CAPN12: variants seen among roughly 807,000 people sequenced by gnomAD.
The protein encoded by CAPN12 is calpain-12.
A neutral mutation model predicts 95.0 loss-of-function variants in CAPN12; 107 were observed. The observed-to-expected ratio is 1.13, with a 90% CI of 0.96 to 1.32. CAPN12 has a LOEUF of 1.32. CAPN12 is among the 40% of genes most tolerant of loss of function. CAPN12 has a pLI of 0.00. For synonymous variants in CAPN12, 505 were observed against 415.5 expected (o/e 1.22, Z -2.62); for missense variants, 1,136 against 997.8 (o/e 1.14, Z -1.87).
In CAPN12 at chr19:38,734,164, C is replaced by G; in HGVS notation, c.1856G>C (p.Trp619Ser). 6.2e-7 allele frequency: 1 copy of G among 1,613,056 alleles called. No homozygotes were observed. Among genetic ancestry groups the G allele is most frequent in the South Asian group, 1.1e-5 (1 of 91,084 alleles). The change falls in exon 17 of 21, where the codon TGG becomes TCG. Residue 619 changes from tryptophan (W) to serine (S), a missense_variant. Transcript: ENST00000328867. Reference protein sequence around the residue: ...SLALHHFQQLWGYLLEWQAIF... With the variant: ...SLALHHFQQLSGYLLEWQAIF... The stretch of plus-strand genomic sequence containing the variant: ...CACCTGCCACTCCAGGAGGTAGCCC[C>G]AGAGCTGCTGGAAGTGGTGTAAGGC...
At chr19:38,733,395 A>G (rs1193488331) in intron 18 of CAPN12, 3 of 376,574 alleles carry the variant, frequency 8.0e-6, no homozygotes, top group East Asian at 4.9e-5. Context: ...CCTGGGGGCC[A>G]GACCCTCTCA....
rs137937350 is a variant in CAPN12, at chr19:38,741,835, C to T, written c.502G>A (p.Val168Met). Residue 168 changes from valine to methionine, a missense_variant, in exon 4 of 21, where the codon GTG becomes ATG. Coordinates refer to ENST00000328867, the MANE Select transcript of CAPN12 (RefSeq NM_144691.4). ...AACTCATTCCGCTGTTCCGAGCGCACGAACATCAGCTTCCCCTCACGCACG... is the reference window on the plus strand; with the variant it reads ...AACTCATTCCGCTGTTCCGAGCGCATGAACATCAGCTTCCCCTCACGCACG... ...LPVREGKLMFVRSEQRNEFWA... is the reference protein window; with the variant it reads ...LPVREGKLMFMRSEQRNEFWA... 100 of 1,613,954 alleles carry T rather than the reference C, an allele frequency of 6.2e-5. No individual in the cohort carries two copies. The African/African-American group carries it at 8.5e-4, about 14-fold the overall frequency.
chr19:38,735,341 T>A (rs371158470), intron 14 of CAPN12, 29 bp downstream of exon 14: 1 of 1,527,358 alleles, frequency 6.5e-7, no homozygotes. Flanking sequence ...CGCAGCGGGA[T>A]ACCCCCTCAG....
chr19:38,733,103 C>CTT lies in CAPN12; in HGVS notation c.1957+598_1957+599dup, dbSNP rs1172061885. On this transcript the variant is annotated intron_variant, in intron 18 of 20. Transcript: ENST00000328867. ...GACTCCTCACCACCCTGTGTACTAG[C>CTT]TTTTTTTTTTTTTTTTTGAGAGGCA... The CTT allele has an allele frequency of 5.5e-3, 745 of 136,300 alleles. 6 individuals carry two copies. The highest frequency in any genetic ancestry group is 0.015 in the African/African-American group (540 of 37,084). 8.4% of individuals were successfully genotyped at this position (136,300 alleles called of 1,614,324 possible).
At position 38,737,210 on chromosome 19, in the gene CAPN12, C is replaced by T. The variant is rs1225580005; in HGVS notation, c.1308G>A (p.Arg436=). 2.3e-5 allele frequency: 35 copies of T among 1,550,514 alleles called. No homozygotes were observed. The highest frequency in any genetic ancestry group is 3.0e-5 in the Non-Finnish European group (35 of 1,148,090). The change falls in exon 10 of 21, where the codon CGG becomes CGA. Residue 436 remains arginine, a synonymous_variant. Coordinates refer to ENST00000328867, the MANE Select transcript of CAPN12 (RefSeq NM_144691.4). The part of the protein sequence containing the change: ...VLLSLIQRNR[R]RLRAKGLTYL... ...AAGTGAGGCCCTTGGCTCTCAGGCG[C>T]CGCCGGTTGCGCTGGATGAGGGACA...
At position 38,744,118 on chromosome 19, in the gene CAPN12, C is replaced by T. The variant is rs541175688; in HGVS notation, c.48G>A (p.Glu16=). The T allele has an allele frequency of 1.2e-6, 2 of 1,614,186 alleles. No individual in the cohort carries two copies. The highest frequency in any genetic ancestry group is 1.3e-5 in the African/African-American group (1 of 75,052). Residue 16 remains glutamate, a synonymous_variant, in exon 1 of 21, where the codon GAG becomes GAA. Coordinates refer to ENST00000328867, the MANE Select transcript of CAPN12 (RefSeq NM_144691.4). ...GCAGGCGCCCGGCTCCGACCCCAGC[C>T]TCCTCATCCACGAGCTGGATGGTGA... ...GRVTIQLVDE[E]AGVGAGRLQL...
chr19:38,737,192 G>A lies in CAPN12; in HGVS notation c.1326C>T (p.Gly442=), dbSNP rs1357426521. The A allele has an allele frequency of 6.5e-7, 1 of 1,549,094 alleles. No individual in the cohort carries two copies. Among genetic ancestry groups the A allele is most frequent in the Admixed American group, 2.0e-5 (1 of 51,040 alleles). ...QRNRRRLRAK[G]LTYLTVGFHV... is the part of the protein sequence containing the mutation. Reference sequence around the variant, plus strand: ...GGAAGCCAACGGTGAGGTAAGTGAGGCCCTTGGCTCTCAGGCGCCGCCGGT... The same window carrying A: ...GGAAGCCAACGGTGAGGTAAGTGAGACCCTTGGCTCTCAGGCGCCGCCGGT... Residue 442 remains glycine (G), a synonymous_variant, in exon 10 of 21, where the codon GGC becomes GGT. Transcript: ENST00000328867.
upstream of CAPN12, chr19:38,744,539 GTC>G (rs1970772260): frequency 6.1e-6 from 2 of 327,794 alleles, no homozygotes; most frequent in East Asian, 1.4e-4. Flanking sequence ...TTACCTCGGT[GTC>G]TCTATCTCTC....
At chr19:38,735,088 G>C in intron 14 of CAPN12, 1 of 606,704 alleles carries the variant, frequency 1.6e-6, no homozygotes, top group South Asian at 2.1e-5. Context: ...GGGCAGGGGG[G>C]TGGTCAGGGA....
Position 38,730,347 on chromosome 19 carries a change from G to A in CAPN12, c.*505C>T, listed in dbSNP as rs758967912. ...TGATGCTCCTCCGGGTCTGCGTCGG[G>A]CGTGGGTCTCTGGGGACCCTCCAGA... On this transcript the variant is annotated 3_prime_UTR_variant, in exon 21 of 21. Transcript: ENST00000328867. 1 of 172,614 alleles carries A rather than the reference G, an allele frequency of 5.8e-6. No homozygotes were observed. Among genetic ancestry groups the A allele is most frequent in the Non-Finnish European group, 1.3e-5 (1 of 79,676 alleles). The allele number at this position is 172,614 out of a possible 1,614,324, so 10.7% of individuals were successfully genotyped here.
Position 38,735,561 on chromosome 19 carries a change from G to A in CAPN12, c.1584-17C>T. ...TCGATCTCCCTGCAAATTACAGATG[G>A]GAAGTGGGGAGGGGGCTGTTTGCCC... On this transcript the variant is annotated splice_polypyrimidine_tract_variant and intron_variant, in intron 12 of 20. Coordinates refer to ENST00000328867, the MANE Select transcript of CAPN12 (RefSeq NM_144691.4). 4 of 1,608,226 alleles carry A rather than the reference G, an allele frequency of 2.5e-6. No homozygotes were observed. The highest frequency in any genetic ancestry group is 3.4e-6 in the Non-Finnish European group (4 of 1,178,592).
chr19:38,732,636 C>T (rs980683092), intron 18 of CAPN12, among the ~76,000 whole-genome samples: 6 of 152,164 alleles, frequency 3.9e-5, no homozygotes, highest in Admixed American at 3.3e-4. Flanking sequence ...CCACCACGCC[C>T]GGCTGGCTCT....
intron 18 of CAPN12, 121 bp from the exon 19 acceptor site, chr19:38,731,344 C>G: frequency 1.4e-6 from 1 of 739,812 alleles, no homozygotes; most frequent in Non-Finnish European, 2.4e-6. Flanking sequence ...CAACTCTGCC[C>G]CATCCCGGCA....
At chr19:38,736,452 C>G (rs1275269353) in intron 11 of CAPN12, 100 bp downstream of exon 11, 5 of 1,548,116 alleles carry the variant, frequency 3.2e-6, no homozygotes, top group South Asian at 2.4e-5. Flanking sequence ...CTCTGCCCCC[C>G]CACCCCCAGG....
chr19:38,735,951 GC>G (rs1970077713), intron 12 of CAPN12, among the ~76,000 whole-genome samples, 158 bp downstream of exon 12: 1 of 16,146 alleles, frequency 6.2e-5, no homozygotes, highest in Non-Finnish European at 1.6e-4. Flanking sequence ...GCGGGGCGGG[GC>G]GGGGGTTCTG....
At chr19:38,737,415 T>C in intron 9 of CAPN12, 27 bp from the exon 10 acceptor site, 1 of 1,609,130 alleles carries the variant, frequency 6.2e-7, no homozygotes, top group Non-Finnish European at 8.5e-7. Flanking sequence ...AAAGGGGGTT[T>C]CCTAGCCGGC....
chr19:38,734,068 G>T, intron 17 of CAPN12, 74 bp downstream of exon 17: 2 of 1,534,956 alleles, frequency 1.3e-6, no homozygotes, highest in Admixed American at 1.8e-5. Context: ...GGACCTGATA[G>T]CCCACAGGGT....
At position 38,733,737 on chromosome 19, in the gene CAPN12, G is replaced by A. The variant is rs773624899; in HGVS notation, c.1923C>T (p.Asn641=). Residue 641 remains asparagine, a synonymous_variant, in exon 18 of 21, where the codon AAC becomes AAT. Transcript: ENST00000328867. ...KFDEDTSGTM[N]SYELRLALNA... The stretch of plus-strand genomic sequence containing the variant: ...TCAGTGCCAGCCTCAGCTCGTAGGA[G>A]TTCATGGTTCCAGAGGTGTCCTCAT... 1 of 1,613,682 alleles carries A rather than the reference G, an allele frequency of 6.2e-7. No individual in the cohort carries two copies. Among genetic ancestry groups the A allele is most frequent in the South Asian group, 1.1e-5 (1 of 91,086 alleles).
chr19:38,736,883 TC>T (rs1400363006), intron 10 of CAPN12: 1 of 532,574 alleles, frequency 1.9e-6, no homozygotes, highest in South Asian at 2.3e-5. Flanking sequence ...TAGCTCCCTC[TC>T]CCCTCTGAGA....
Sources: gnomAD v4.1 joint callset for allele counts (sites outside exome capture counted in the v4.1 genomes callset) on GRCh38, gnomAD v4.1.1 for gene constraint, MANE v1.5 for transcripts, NCBI Gene and HGNC (gene_info 2026-07-23, HGNC 2026-07-21) for gene names.